SMARCA1: variants seen among roughly 807,000 people sequenced by gnomAD.
SMARCA1 encodes SWI/SNF-related matrix-associated actin-dependent regulator of chromatin subfamily A member 1.
Under a neutral mutation model 93.6 loss-of-function variants are expected in SMARCA1, and 17 were observed. That is an observed-to-expected ratio of 0.18 (90% confidence interval 0.12 to 0.27). The LOEUF (loss-of-function observed/expected upper bound fraction) is 0.27, where lower values mean the gene tolerates loss of function less well. SMARCA1 is among the 10% of genes least tolerant of loss of function. The pLI is 1.00. For missense variants in SMARCA1, 630 were observed against 819.0 expected (o/e 0.77, Z 2.82); for synonymous variants, 271 against 271.4 (o/e 1.00, Z 0.01).
At chrX:129,481,395 T>C in intron 17 of SMARCA1, among the ~76,000 whole-genome samples, 1 of 112,557 alleles carries the variant, frequency 8.9e-6, no homozygotes. Flanking sequence ...TATTTTTATT[T>C]GAAAGTAGCT....
chrX:129,497,816 C>A lies in SMARCA1; in HGVS notation c.1504+29G>T, dbSNP rs201918967. On this transcript the variant is annotated intron_variant, in intron 11 of 24. Coordinates refer to ENST00000371121, the MANE Select transcript of SMARCA1 (RefSeq NM_001282874.2). ...TACAAGTCATTAATATAAATTTATT[C>A]CATGCTAATTTAAAAATTTATTACT... The A allele has an allele frequency of 6.1e-4, 571 of 935,204 alleles. 5 individuals carry two copies. Among genetic ancestry groups the A allele is most frequent in the Non-Finnish European group, 5.2e-5 (34 of 649,886 alleles). The allele number at this position is 935,204 out of a possible 1,213,427, so 77.1% of individuals were successfully genotyped here.
intron 5 of SMARCA1, 29 bp downstream of exon 5, chrX:129,515,658 G>A (rs1935170624): frequency 1.0e-6 from 1 of 981,412 alleles, no homozygotes. Flanking sequence ...TGATAACTGA[G>A]AATGTGTTTT....
chrX:129,496,450 G>T (rs772339126), intron 12 of SMARCA1, among the ~76,000 whole-genome samples: 1 of 110,184 alleles, frequency 9.1e-6, no homozygotes, highest in East Asian at 2.9e-4. Flanking sequence ...AGAGAGTAAG[G>T]TGAGAAACTG....
rs1411596183 is a variant in SMARCA1 at position 129,523,345 on chromosome X, G to A, written c.26C>T (p.Ala9Val). The A allele has an allele frequency of 8.4e-7, 1 of 1,195,359 alleles. No homozygotes were observed. The highest frequency in any genetic ancestry group is 3.0e-5 in the East Asian group (1 of 33,559). Residue 9 changes from alanine (A) to valine (V), a missense_variant, in exon 1 of 25, where the codon GCA becomes GTA. Around this residue, in one of 4 missense-constraint regions of SMARCA1, gnomAD observed 103 missense variants for 82.0 expected, o/e 1.26. Transcript: ENST00000371121. The part of the protein sequence containing the change: MEQDTAAV[A>V]ATVAAADATA... ...CGCATCCGCGGCTGCCACGGTGGCT[G>A]CCACTGCGGCAGTGTCCTGCTCCAT...
In SMARCA1 at chrX:129,496,858, G is replaced by A; in HGVS notation, c.1518C>T (p.Leu506=). Reference sequence around the variant, plus strand: ...GCAAGCGAGTCATCTGGCTGAAAATGAGAACCCTTGAACCTAAAACATTTC... The same window carrying A: ...GCAAGCGAGTCATCTGGCTGAAAATAAGAACCCTTGAACCTAAAACATTTC... ...AKLKEQGSRV[L]IFSQMTRLLD... Residue 506 remains leucine (L), a synonymous_variant, in exon 12 of 25, where the codon CTC becomes CTT. Transcript: ENST00000371121. The A allele has an allele frequency of 1.7e-6, 2 of 1,205,508 alleles. No homozygotes were observed. The highest frequency in any genetic ancestry group is 2.2e-6 in the Non-Finnish European group (2 of 891,503).
intron 17 of SMARCA1, among the ~76,000 whole-genome samples, chrX:129,484,776 A>G (rs970959441): frequency 7.1e-5 from 8 of 112,044 alleles, no homozygotes; most frequent in African/African-American, 2.6e-4. Context: ...TATAGATGGA[A>G]TGAAGAAAAT....
In SMARCA1 at chrX:129,471,299, G is replaced by T; in HGVS notation, c.2470C>A (p.Pro824Thr). ...TGCTCTTCTCTTTGAGCCAGAGCTG[G>T]ATTTGGGATATCAGGATTCCTTGGA... ...KVPRNPDIPN[P>T]ALAQREEQKK... Residue 824 changes from proline to threonine, a missense_variant, in exon 20 of 25, where the codon CCA becomes ACA. Physicochemically the swap from Pro to Thr is conservative, Grantham distance 38 (BLOSUM62 -1). This residue lies in a region of SMARCA1 where 52 missense variants were observed against 38.3 expected (regional missense o/e 1.36). Coordinates refer to ENST00000371121, the MANE Select transcript of SMARCA1 (RefSeq NM_001282874.2). The T allele has an allele frequency of 8.3e-7, 1 of 1,200,388 alleles. No homozygotes were observed. The highest frequency in any genetic ancestry group is 1.1e-6 in the Non-Finnish European group (1 of 886,544).
At chrX:129,480,181 A>G (rs1373719994) in intron 19 of SMARCA1, among the ~76,000 whole-genome samples, 4 of 112,312 alleles carry the variant, frequency 3.6e-5, no homozygotes, top group African/African-American at 1.3e-4. Context: ...ACCTATATAA[A>G]TAAGAATTCC....
intron 23 of SMARCA1, among the ~76,000 whole-genome samples, chrX:129,459,525 G>C (rs1245567086): frequency 8.9e-6 from 1 of 112,737 alleles, no homozygotes; most frequent in Non-Finnish European, 1.9e-5. Flanking sequence ...TTTCATGTCA[G>C]ATTGTTACAA....
chrX:129,455,760 C>T (rs1308127711), intron 23 of SMARCA1, among the ~76,000 whole-genome samples: 1 of 112,089 alleles, frequency 8.9e-6, no homozygotes, highest in Non-Finnish European at 1.9e-5. Context: ...AAGATCCTAA[C>T]TCTTCAATTC....
At position 129,471,291 on chromosome X, in the gene SMARCA1, C is replaced by T. The variant is rs1218497405; in HGVS notation, c.2478G>A (p.Leu826=). 8.3e-7 allele frequency: 1 copy of T among 1,198,227 alleles called. No homozygotes were observed. The highest frequency in any genetic ancestry group is 1.1e-6 in the Non-Finnish European group (1 of 884,352). ...PRNPDIPNPA[L]AQREEQKKID... ...TCTTTTTTTGCTCTTCTCTTTGAGC[C>T]AGAGCTGGATTTGGGATATCAGGAT... is the stretch of plus-strand genomic sequence containing the variant. Residue 826 remains leucine, a synonymous_variant, in exon 20 of 25, where the codon CTG becomes CTA. Transcript: ENST00000371121.
chrX:129,504,302 A>AACAGAATGG (rs1392120597), intron 9 of SMARCA1, among the ~76,000 whole-genome samples: 6 of 111,219 alleles, frequency 5.4e-5, no homozygotes, highest in South Asian at 3.8e-4. Flanking sequence ...ATTAACAGGA[A>AACAGAATGG]ACAGAATGGG....
At chrX:129,456,393 T>C (rs1425930481) in intron 23 of SMARCA1, among the ~76,000 whole-genome samples, 2 of 112,224 alleles carry the variant, frequency 1.8e-5, no homozygotes, top group African/African-American at 6.5e-5. Context: ...TTCATGCCTG[T>C]TAACACAACA....
At chrX:129,471,358 T>C in intron 19 of SMARCA1, 32 bp from the exon 20 acceptor site, 1 of 1,084,903 alleles carries the variant, frequency 9.2e-7, no homozygotes, top group Admixed American at 2.6e-5. Context: ...AAGAGTAAAC[T>C]GATGAGAAAA....
chrX:129,506,675 G>A (rs766969629), intron 7 of SMARCA1, among the ~76,000 whole-genome samples: 19 of 81,786 alleles, frequency 2.3e-4, no homozygotes, highest in African/African-American at 8.4e-4. Context: ...GGGCAACGGA[G>A]TGAAACTCCG....
chrX:129,458,010 C>T (rs1329425622), intron 23 of SMARCA1, among the ~76,000 whole-genome samples: 1 of 111,938 alleles, frequency 8.9e-6, no homozygotes, highest in Non-Finnish European at 1.9e-5. Flanking sequence ...CTTTCTTACA[C>T]ATACTTTTAA....
chrX:129,468,955 C>A, intron 20 of SMARCA1, 50 bp from the exon 21 acceptor site: 2 of 852,231 alleles, frequency 2.3e-6, no homozygotes, highest in South Asian at 2.9e-5. Context: ...TTAATAAATC[C>A]ATTTATTGCC....
At position 129,499,740 on chromosome X, in the gene SMARCA1, T is replaced by C. The variant is rs61752969; in HGVS notation, c.1269A>G (p.Gln423=). Residue 423 remains glutamine (Q), a synonymous_variant, in exon 10 of 25, where the codon CAA becomes CAG. Coordinates refer to ENST00000371121, the MANE Select transcript of SMARCA1 (RefSeq NM_001282874.2). ...GAAATGAAATAGCTCACCATTCTCGTTGCATCTTACTCAGCCCCAAGTAAA... is the reference window on the plus strand; with the variant it reads ...GAAATGAAATAGCTCACCATTCTCGCTGCATCTTACTCAGCCCCAAGTAAA... The part of the protein sequence containing the change: ...IKIYLGLSKM[Q]REWYTKILMK... 22,584 of 1,090,411 alleles carry C rather than the reference T, an allele frequency of 0.021. 207 individuals carry two copies. Among genetic ancestry groups the C allele is most frequent in the Admixed American group, 0.027 (1,192 of 44,553 alleles). The allele number at this position is 1,090,411 out of a possible 1,213,427, so 89.9% of individuals were successfully genotyped here.
intron 6 of SMARCA1, among the ~76,000 whole-genome samples, chrX:129,510,028 T>C (rs975750703): frequency 8.9e-6 from 1 of 112,626 alleles, no homozygotes; most frequent in African/African-American, 3.2e-5. Context: ...TGTCTATATG[T>C]AATGATCTGG....
Sources: gnomAD v4.1 joint callset for allele counts (sites outside exome capture counted in the v4.1 genomes callset) on GRCh38, gnomAD v4.1.1 for gene constraint, gnomAD v4.1.1 regional missense constraint, MANE v1.5 for transcripts, NCBI Gene and HGNC (gene_info 2026-07-23, HGNC 2026-07-21) for gene names.